Variants in PTPRD observed in about 807,000 individuals in gnomAD.
The protein encoded by PTPRD is receptor-type tyrosine-protein phosphatase delta.
Under a neutral mutation model 214.5 loss-of-function variants are expected in PTPRD, and 34 were observed. The ratio of observed to expected loss-of-function variants is 0.16; its 90% confidence interval spans 0.12 to 0.21. The LOEUF is 0.21. Among genes scored for constraint, PTPRD ranks in the 10% least tolerant of loss-of-function variants. PTPRD has a pLI of 1.00. For missense variants in PTPRD, 2,545 were observed against 2,398.7 expected (o/e 1.06, Z -1.27); for synonymous variants, 1,128 against 845.7 (o/e 1.33, Z -5.79).
chr9:10,025,457 G>C (rs1468802493), intron 4 of PTPRD, among the ~76,000 whole-genome samples: 2 of 152,130 alleles, frequency 1.3e-5, no homozygotes, highest in Non-Finnish European at 2.9e-5. Context: ...AAAAATATGT[G>C]TAGATGTACA....
At chr9:8,356,809 A>G (rs2077093464) in intron 39 of PTPRD, among the ~76,000 whole-genome samples, 1 of 152,182 alleles carries the variant, frequency 6.6e-6, no homozygotes, top group Non-Finnish European at 1.5e-5. Context: ...TTAACTAAAT[A>G]CGTGTGCATA....
At position 9,342,747 on chromosome 9, in the gene PTPRD, C is replaced by G. The variant is rs535516584; in HGVS notation, c.-203+54702G>C. On this transcript the variant is annotated intron_variant, in intron 9 of 45. Transcript: ENST00000381196. ...TTATTATACTTTAAGTTCTGGGATA[C>G]ATGTGCAGAACATGCAGGTTTGATA... is the stretch of plus-strand genomic sequence containing the variant. Among the ~76,000 whole-genome samples, 5 of 151,530 alleles carry G rather than the reference C, an allele frequency of 3.3e-5. No homozygotes were observed. The South Asian group carries it at 1.0e-3, about 32-fold the overall frequency.
chr9:8,331,960 A>G (rs1239973829), intron 43 of PTPRD, among the ~76,000 whole-genome samples: 1 of 88,318 alleles, frequency 1.1e-5, no homozygotes, highest in Non-Finnish European at 2.0e-5. Context: ...GAAATCCTAA[A>G]TTTATTTACT....
intron 3 of PTPRD, among the ~76,000 whole-genome samples, chr9:10,242,698 A>T (rs938742537): frequency 2.6e-5 from 4 of 151,018 alleles, no homozygotes; most frequent in Non-Finnish European, 5.9e-5. Context: ...AATTAAAAAA[A>T]AATCTCCGTC....
intron 7 of PTPRD, among the ~76,000 whole-genome samples, chr9:9,659,185 C>T (rs2096576799): frequency 6.6e-6 from 1 of 152,028 alleles, no homozygotes; most frequent in African/African-American, 2.4e-5. Context: ...TGGAATATCA[C>T]TTCATGCTTC....
At chr9:10,332,492 T>G (rs543493363) in intron 3 of PTPRD, among the ~76,000 whole-genome samples, 3 of 151,890 alleles carry the variant, frequency 2.0e-5, no homozygotes, top group Admixed American at 6.6e-5. Flanking sequence ...AAAACATCTT[T>G]GACTTTCGAA....
At chr9:10,121,586 AAG>A (rs1328404835) in intron 3 of PTPRD, among the ~76,000 whole-genome samples, 1 of 152,176 alleles carries the variant, frequency 6.6e-6, no homozygotes, top group African/African-American at 2.4e-5. Context: ...TGGCATCGTT[AAG>A]AGTTAAGTCT....
At chr9:8,370,201 T>TAC (rs1176993679) in intron 39 of PTPRD, among the ~76,000 whole-genome samples, 20 of 41,476 alleles carry the variant, frequency 4.8e-4, no homozygotes, top group African/African-American at 1.2e-3. Flanking sequence ...ACTGCACATA[T>TAC]ATATATACAC....
chr9:8,594,968 T>C (rs2094394681), intron 14 of PTPRD, among the ~76,000 whole-genome samples: 1 of 149,464 alleles, frequency 6.7e-6, no homozygotes, highest in Non-Finnish European at 1.5e-5. Context: ...GTTCACTCCA[T>C]TCTCCTGCCT....
At chr9:8,930,016 T>A (rs2098940661) in intron 11 of PTPRD, among the ~76,000 whole-genome samples, 1 of 151,666 alleles carries the variant, frequency 6.6e-6, no homozygotes, top group South Asian at 2.1e-4. Context: ...AACGTGCAGG[T>A]TTGTTACATA....
chr9:9,650,167 G>T (rs1365563988), intron 7 of PTPRD, among the ~76,000 whole-genome samples: 1 of 152,102 alleles, frequency 6.6e-6, no homozygotes, highest in African/African-American at 2.4e-5. Flanking sequence ...AAAGTGTGCA[G>T]TGGTTTTCCC....
intron 3 of PTPRD, among the ~76,000 whole-genome samples, chr9:10,097,970 T>G (rs1489078329): frequency 6.6e-6 from 1 of 151,872 alleles, no homozygotes; most frequent in African/African-American, 2.4e-5. Flanking sequence ...AAATACCATT[T>G]GACCCAGCCA....
At chr9:10,057,597 G>A (rs1272768099) in intron 3 of PTPRD, among the ~76,000 whole-genome samples, 1 of 152,124 alleles carries the variant, frequency 6.6e-6, no homozygotes, top group Non-Finnish European at 1.5e-5. Context: ...TGTAATCCCA[G>A]CACTTGGGAG....
intron 2 of PTPRD, among the ~76,000 whole-genome samples, chr9:10,446,294 G>C (rs1423769200): frequency 6.6e-6 from 1 of 151,736 alleles, no homozygotes; most frequent in Non-Finnish European, 1.5e-5. Context: ...AATATGAAGA[G>C]AGTAGGAAAG....
At chr9:9,300,793 T>C (rs1357106457) in intron 9 of PTPRD, among the ~76,000 whole-genome samples, 3 of 151,884 alleles carry the variant, frequency 2.0e-5, no homozygotes, top group Non-Finnish European at 2.9e-5. Context: ...TTATAAGCCA[T>C]ACAATTTATG....
chr9:9,853,387 T>C lies in PTPRD; in HGVS notation c.-368+85120A>G, dbSNP rs1422170352. On this transcript the variant is annotated intron_variant, in intron 5 of 45. Transcript: ENST00000381196. ...AGCCATTTACAAATGTAGAACAACA[T>C]TCTTGTTTCAGGACCATATGAAAAC... is the stretch of plus-strand genomic sequence containing the variant. Among the ~76,000 whole-genome samples the C allele has an allele frequency of 5.3e-5, 8 of 152,206 alleles. No homozygotes were observed. In the East Asian group the frequency reaches 1.3e-3, roughly 26 times the overall value.
chr9:10,492,983 G>A (rs916441031), intron 2 of PTPRD, among the ~76,000 whole-genome samples: 1 of 151,984 alleles, frequency 6.6e-6, no homozygotes, highest in African/African-American at 2.4e-5. Context: ...CATAATAAGA[G>A]AACTCCCATT....
At chr9:8,577,099 C>G (rs756793602) in intron 14 of PTPRD, among the ~76,000 whole-genome samples, 3 of 152,140 alleles carry the variant, frequency 2.0e-5, no homozygotes, top group Non-Finnish European at 4.4e-5. Context: ...CCCAAACTCT[C>G]CAGCTTCCTT....
chr9:9,859,273 A>G (rs1429455005), intron 5 of PTPRD, among the ~76,000 whole-genome samples: 1 of 152,150 alleles, frequency 6.6e-6, no homozygotes, highest in African/African-American at 2.4e-5. Context: ...ACCCAGTCTC[A>G]GGTAAGTATC....
Sources: gnomAD v4.1 joint callset for allele counts (sites outside exome capture counted in the v4.1 genomes callset) on GRCh38, gnomAD v4.1.1 for gene constraint, MANE v1.5 for transcripts, NCBI Gene and HGNC (gene_info 2026-07-23, HGNC 2026-07-21) for gene names.